CSGALNACT1: variants seen among roughly 807,000 people sequenced by gnomAD.
The protein encoded by CSGALNACT1 is beta4GalNAcT-1.
Under a neutral mutation model 51.0 loss-of-function variants are expected in CSGALNACT1, and 52 were observed. The ratio of observed to expected loss-of-function variants is 1.02; its 90% confidence interval spans 0.82 to 1.29. The LOEUF (loss-of-function observed/expected upper bound fraction) is 1.29, where lower values mean the gene tolerates loss of function less well. CSGALNACT1 is among the 50% of genes most tolerant of loss of function. The pLI is 0.00. For missense variants in CSGALNACT1, 935 were observed against 679.2 expected (o/e 1.38, Z -4.19); for synonymous variants, 341 against 254.4 (o/e 1.34, Z -3.24).
At position 19,534,511 on chromosome 8, in the gene CSGALNACT1, C is replaced by G. The variant is rs988166679; in HGVS notation, c.-296-28381G>C. 2.0e-5 allele frequency among the ~76,000 whole-genome samples: 3 copies of G among 152,028 alleles called. No homozygotes were observed. In the East Asian group the frequency reaches 5.8e-4, roughly 29 times the overall value. The stretch of plus-strand genomic sequence containing the variant: ...ATCAAGAAGCAGATTCCTGGGGAAT[C>G]GGACACCCATCGGCTGCATTGCTGT... On this transcript the variant is annotated intron_variant, in intron 3 of 9. Coordinates refer to ENST00000454498, the Ensembl canonical transcript of CSGALNACT1.
intron 4 of CSGALNACT1, among the ~76,000 whole-genome samples, chr8:19,496,751 G>A (rs546087458): frequency 1.3e-5 from 2 of 152,266 alleles, no homozygotes; most frequent in African/African-American, 4.8e-5. Flanking sequence ...CTCAGCTAAT[G>A]GTAAAAAGAA....
At chr8:19,693,511 G>A (rs1157147328) in intron 1 of CSGALNACT1, among the ~76,000 whole-genome samples, 4 of 151,942 alleles carry the variant, frequency 2.6e-5, no homozygotes, top group Admixed American at 1.3e-4. Context: ...CTATTTTATT[G>A]CATGGGCCAT....
chr8:19,527,479 G>A (rs576832633), intron 3 of CSGALNACT1, among the ~76,000 whole-genome samples: 2 of 152,244 alleles, frequency 1.3e-5, no homozygotes, highest in South Asian at 4.1e-4. Flanking sequence ...GCATGGTGGT[G>A]GGTGGCTACA....
intron 1 of CSGALNACT1, among the ~76,000 whole-genome samples, chr8:19,646,862 G>C (rs1383038198): frequency 6.6e-6 from 1 of 152,132 alleles, no homozygotes; most frequent in Non-Finnish European, 1.5e-5. Context: ...AGGGGGATAA[G>C]AGACACACCT....
At chr8:19,422,946 C>A (rs1220769094) in intron 6 of CSGALNACT1, among the ~76,000 whole-genome samples, 1 of 152,182 alleles carries the variant, frequency 6.6e-6, no homozygotes, top group Non-Finnish European at 1.5e-5. Context: ...TCTTTCTTCG[C>A]TGTTTCCAGG....
At chr8:19,523,820 G>A (rs1034998101) in intron 3 of CSGALNACT1, among the ~76,000 whole-genome samples, 2 of 152,160 alleles carry the variant, frequency 1.3e-5, no homozygotes, top group Non-Finnish European at 2.9e-5. Context: ...CAATGTTTAT[G>A]TCAAGGGAAT....
intron 1 of CSGALNACT1, among the ~76,000 whole-genome samples, chr8:19,664,685 A>G (rs1469627316): frequency 6.6e-6 from 1 of 152,062 alleles, no homozygotes; most frequent in African/African-American, 2.4e-5. Context: ...ACACACATAT[A>G]CACAATGGAA....
rs183180911 is a variant in CSGALNACT1, at chr8:19,584,423, T to A, written c.-297+6737A>T. ...TTTTTTTGACACAGTAAGACTTAGCTTGGAATTTGAATTAAGAGAAAGCTT... is the reference window on the plus strand; with the variant it reads ...TTTTTTTGACACAGTAAGACTTAGCATGGAATTTGAATTAAGAGAAAGCTT... On this transcript the variant is annotated intron_variant, in intron 3 of 9. Coordinates refer to ENST00000454498, the Ensembl canonical transcript of CSGALNACT1. 1.7e-3 allele frequency among the ~76,000 whole-genome samples: 258 copies of A among 152,336 alleles called. 3 individuals are homozygous for A. Among genetic ancestry groups the A allele is most frequent in the Middle Eastern group, 6.8e-3 (2 of 294 alleles).
chr8:19,466,956 C>G (rs1410284340), intron 4 of CSGALNACT1, among the ~76,000 whole-genome samples: 3 of 152,100 alleles, frequency 2.0e-5, no homozygotes, highest in Non-Finnish European at 4.4e-5. Flanking sequence ...TTCATACAAC[C>G]CCTTTTCTTA....
intron 1 of CSGALNACT1, among the ~76,000 whole-genome samples, chr8:19,690,527 A>G (rs2061246501): frequency 6.6e-6 from 1 of 152,252 alleles, no homozygotes; most frequent in Non-Finnish European, 1.5e-5. Flanking sequence ...CAGCTTACCA[A>G]AAATGACAAA....
At chr8:19,507,971 C>T (rs1460996097) in intron 3 of CSGALNACT1, among the ~76,000 whole-genome samples, 1 of 152,230 alleles carries the variant, frequency 6.6e-6, no homozygotes, top group Non-Finnish European at 1.5e-5. Context: ...CAAACAAGAT[C>T]CCTGAGGGTA....
intron 1 of CSGALNACT1, among the ~76,000 whole-genome samples, chr8:19,740,254 TC>T (rs928540550): frequency 8.5e-5 from 13 of 152,238 alleles, no homozygotes; most frequent in African/African-American, 3.1e-4. Context: ...GGAGGCCCTA[TC>T]CCAGCTGCTC....
Position 19,699,163 on chromosome 8 carries a change from C to T in CSGALNACT1, c.-297+58687G>A, listed in dbSNP as rs111573898. On this transcript the variant is annotated intron_variant, in intron 1 of 1. Coordinates refer to the CSGALNACT1 transcript ENST00000517494. ...CTGGGACTACAGGCATGAGCCACCG[C>T]GCCCAGCCTCGTTTTTTATTTTTAG... Among the ~76,000 whole-genome samples, 593 of 152,288 alleles carry T rather than the reference C, an allele frequency of 3.9e-3. 4 individuals are homozygous for T. Among genetic ancestry groups the T allele is most frequent in the African/African-American group, 0.013 (525 of 41,558 alleles).
chr8:19,520,067 T>G (rs1214770730), intron 3 of CSGALNACT1, among the ~76,000 whole-genome samples: 1 of 152,226 alleles, frequency 6.6e-6, no homozygotes, highest in Non-Finnish European at 1.5e-5. Flanking sequence ...ACTGTTACTT[T>G]TAGTTAAGAC....
Position 19,511,615 on chromosome 8 carries a change from C to T in CSGALNACT1, c.-296-5485G>A, listed in dbSNP as rs138201959. Among the ~76,000 whole-genome samples, 97 of 152,314 alleles carry T rather than the reference C, an allele frequency of 6.4e-4. No homozygotes were observed. In the Middle Eastern group the frequency reaches 0.017, roughly 27 times the overall value. On this transcript the variant is annotated intron_variant, in intron 3 of 9. Coordinates refer to ENST00000454498, the Ensembl canonical transcript of CSGALNACT1. ...GTAGGCAGGGTGTGATAGCCAGGTT[C>T]CAAGATGGCCCTCAATGGTCCCTGC...
intron 1 of CSGALNACT1, among the ~76,000 whole-genome samples, chr8:19,681,504 G>A (rs2060618070): frequency 6.6e-6 from 1 of 152,170 alleles, no homozygotes; most frequent in South Asian, 2.1e-4. Context: ...GAGGAGAGAG[G>A]TCAGAGCAGA....
chr8:19,486,626 TCTCTTC>T (rs1787544475), intron 4 of CSGALNACT1, among the ~76,000 whole-genome samples: 1 of 152,168 alleles, frequency 6.6e-6, no homozygotes. Flanking sequence ...GCCACCTCTT[TCTCTTC>T]AAGTTTCTGC....
chr8:19,623,616 AAGAATTGAAATTACACAG>A (rs2054096370), intron 1 of CSGALNACT1, among the ~76,000 whole-genome samples: 1 of 152,238 alleles, frequency 6.6e-6, no homozygotes, highest in Non-Finnish European at 1.5e-5. Flanking sequence ...ACAAATCTCT[AAGAATTGAAATTACACAG>A]AGTAGGTTCA....
At chr8:19,629,491 G>C (rs578219711) in intron 1 of CSGALNACT1, among the ~76,000 whole-genome samples, 2 of 152,316 alleles carry the variant, frequency 1.3e-5, no homozygotes, top group South Asian at 4.1e-4. Context: ...CTCAACTCCT[G>C]CCTAAAGGCA....
Sources: allele counts gnomAD v4.1 joint callset (sites outside exome capture counted in the v4.1 genomes callset), GRCh38; gene constraint gnomAD v4.1.1; transcripts MANE v1.5; gene names NCBI Gene and HGNC (gene_info 2026-07-23, HGNC 2026-07-21).